The following ATG4B variants were observed in gnomAD, a reference collection of about 807,000 sequenced individuals.
The protein encoded by ATG4B is autophagy related 4B cysteine peptidase, also known as cysteine protease ATG4B.
A neutral mutation model predicts 56.6 loss-of-function variants in ATG4B; 29 were observed. That is an observed-to-expected ratio of 0.51 (90% CI 0.38 to 0.70). ATG4B has a LOEUF of 0.70. Among genes scored for constraint, ATG4B ranks in the 30% least tolerant of loss-of-function variants. The pLI, the probability that ATG4B is intolerant of heterozygous loss-of-function variation, is 0.00. For synonymous variants in ATG4B, 224 were observed against 206.1 expected, an observed-to-expected ratio of 1.09 and a Z score of -0.74; for missense variants, 461 against 515.5, an observed-to-expected ratio of 0.89 and a Z score of 1.02.
chr2:241,668,953 G>A lies in ATG4B; in HGVS notation c.957+268G>A, dbSNP rs773573535. ...TCTGGATGTGAGCGTGTGTGGGCGCGTGCTGAGTGTGCATGGATGAGTGTG... is the reference window on the plus strand; with the variant it reads ...TCTGGATGTGAGCGTGTGTGGGCGCATGCTGAGTGTGCATGGATGAGTGTG... On this transcript the variant is annotated intron_variant, in intron 10 of 12. Transcript: ENST00000404914. The surrounding 1 kb of genome is among the most constrained non-coding windows in gnomAD (Gnocchi z 4.2). 83 of 500,822 alleles carry A rather than the reference G, an allele frequency of 1.7e-4. No individual in the cohort carries two copies. The highest frequency in any genetic ancestry group is 1.6e-4 in the Non-Finnish European group (45 of 282,516). 31.0% of individuals were successfully genotyped at this position (500,822 alleles called of 1,614,324 possible).
At chr2:241,661,475 A>G (rs2068591633) in intron 7 of ATG4B, among the ~76,000 whole-genome samples, 1 of 152,142 alleles carries the variant, frequency 6.6e-6, no homozygotes, top group African/African-American at 2.4e-5. Context: ...TGCTGCTAAG[A>G]GTGCGCAAGG....
intron 6 of ATG4B, among the ~76,000 whole-genome samples, chr2:241,657,539 G>A (rs1270999872): frequency 5.3e-5 from 8 of 151,922 alleles, no homozygotes; most frequent in Admixed American, 2.0e-4. Flanking sequence ...TCCTGACCTC[G>A]TGATCCACCT....
chr2:241,644,204 A>G (rs1262969091), intron 1 of ATG4B, among the ~76,000 whole-genome samples: 1 of 151,980 alleles, frequency 6.6e-6, no homozygotes, highest in East Asian at 1.9e-4. Context: ...AAAATTAGGC[A>G]TGACGGTGCA....
In ATG4B at chr2:241,666,921, G is replaced by A. The variant is rs550817093; in HGVS notation, c.732+83G>A. On this transcript the variant is annotated intron_variant, in intron 8 of 12. Transcript: ENST00000404914. ...GTCACTTTCAGCGCATCGTCGTCAC[G>A]TGGCCATTTGTGCAGCCGGCTCTCG... The A allele has an allele frequency of 9.6e-5, 138 of 1,442,330 alleles. 3 individuals are homozygous for A. The South Asian group carries it at 1.4e-3, about 15-fold the overall frequency. 89.3% of individuals were successfully genotyped at this position (1,442,330 alleles called of 1,614,324 possible). A position where few individuals can be genotyped will look rare whatever the true frequency, so the allele number is the denominator to read the frequency against.
intron 7 of ATG4B, among the ~76,000 whole-genome samples, chr2:241,661,208 T>C (rs1480190486): frequency 6.6e-6 from 1 of 152,204 alleles, no homozygotes; most frequent in South Asian, 2.1e-4. Flanking sequence ...TTCGTCTCAC[T>C]GCGTCAGCTG....
chr2:241,665,757 G>C (rs955942688), intron 7 of ATG4B, among the ~76,000 whole-genome samples: 4 of 152,246 alleles, frequency 2.6e-5, no homozygotes, highest in African/African-American at 9.6e-5. Context: ...TGTGACTCCT[G>C]CCTGATAATG....
intron 1 of ATG4B, among the ~76,000 whole-genome samples, chr2:241,639,572 T>A (rs182087324): frequency 5.8e-4 from 89 of 152,300 alleles, no homozygotes; most frequent in African/African-American, 2.0e-3. Context: ...AGACTACACT[T>A]AACACTGACA....
chr2:241,643,874 T>C (rs2067986057), intron 1 of ATG4B, among the ~76,000 whole-genome samples: 1 of 152,068 alleles, frequency 6.6e-6, no homozygotes, highest in Non-Finnish European at 1.5e-5. Flanking sequence ...GTGGATATTT[T>C]TTCCGAAGTT....
Position 241,668,618 on chromosome 2 carries a change from A to G in ATG4B, c.890A>G (p.Glu297Gly), listed in dbSNP as rs1369080252. ...ACTGATGGCTGCTTCATCCCGGACG[A>G]GAGCTTCCACTGCCAGCACCCGCCG... ...EPTDGCFIPDESFHCQHPPCR... is the reference protein window; with the variant it reads ...EPTDGCFIPDGSFHCQHPPCR... Residue 297 changes from glutamate (E) to glycine (G), a missense_variant, in exon 10 of 13, where the codon GAG (glutamate) becomes GGG (glycine). Transcript: ENST00000404914. The surrounding 1 kb of genome is among the most constrained non-coding windows in gnomAD (Gnocchi z 4.2). 4 of 1,590,182 alleles carry G rather than the reference A, an allele frequency of 2.5e-6. No individual in the cohort carries two copies. The highest frequency in any genetic ancestry group is 3.4e-6 in the Non-Finnish European group (4 of 1,168,962).
intron 6 of ATG4B, among the ~76,000 whole-genome samples, chr2:241,658,400 C>T (rs1358144789): frequency 6.6e-6 from 1 of 152,100 alleles, no homozygotes; most frequent in Admixed American, 6.5e-5. Context: ...ACCCCAGTCC[C>T]CTGCTCCACC....
chr2:241,668,451 TG>T lies in ATG4B; in HGVS notation c.812-86del. 1 of 1,507,956 alleles carries T rather than the reference TG, an allele frequency of 6.6e-7. No individual in the cohort carries two copies. The highest frequency in any genetic ancestry group is 9.0e-7 in the Non-Finnish European group (1 of 1,115,928). The allele number at this position is 1,507,956 out of a possible 1,614,324, so 93.4% of individuals were successfully genotyped here. ...CTGCCCACTGCTTCTCAGTGTGATGTGGGTGCAGTGGGTCTGAAATGCGGCC... is the reference window on the plus strand; with the variant it reads ...CTGCCCACTGCTTCTCAGTGTGATGTGGTGCAGTGGGTCTGAAATGCGGCC... On this transcript the variant is annotated intron_variant, in intron 9 of 12. Coordinates refer to ENST00000404914, the MANE Select transcript of ATG4B (RefSeq NM_013325.5). This position sits in a 1 kb window ranked among gnomAD's most constrained non-coding sequence, Gnocchi z 4.2.
Position 241,668,195 on chromosome 2 carries a change from G to T in ATG4B, c.785G>T (p.Ser262Ile). ...GGCGTCATCGGAGGGAAGCCCAACA[G>T]CGCCCACTACTTCATCGGCTACGTT... ...SLGVIGGKPN[S>I]AHYFIGYVGE... Residue 262 changes from serine to isoleucine, a missense_variant, in exon 9 of 13, where the codon AGC becomes ATC. Physicochemically the swap from Ser to Ile is moderately radical, Grantham distance 142. Coordinates refer to ENST00000404914, the MANE Select transcript of ATG4B (RefSeq NM_013325.5). This position sits in a 1 kb window ranked among gnomAD's most constrained non-coding sequence, Gnocchi z 4.2. 1.2e-6 allele frequency: 2 copies of T among 1,607,638 alleles called. No individual in the cohort carries two copies. The highest frequency in any genetic ancestry group is 1.7e-6 in the Non-Finnish European group (2 of 1,177,466).
At chr2:241,670,810 G>A (rs752868750) in intron 11 of ATG4B, 28 bp downstream of exon 11, 7 of 1,593,264 alleles carry the variant, frequency 4.4e-6, no homozygotes, top group South Asian at 3.4e-5. Flanking sequence ...ACCCACAGCC[G>A]AGCTGAGCCA....
rs565520612 is a variant in ATG4B at position 241,673,310 on chromosome 2, T to A, written c.*1046T>A. The stretch of plus-strand genomic sequence containing the variant: ...CACCGCCTGACCCTGTGTAACCTGC[T>A]GTCCCGGGTCCCAGAGTGCACTCTG... On this transcript the variant is annotated 3_prime_UTR_variant, in exon 13 of 13. Transcript: ENST00000404914. 1.5e-4 allele frequency: 52 copies of A among 349,696 alleles called. 1 individual carries two copies. The highest frequency in any genetic ancestry group is 1.0e-3 in the African/African-American group (49 of 46,744). 21.7% of individuals were successfully genotyped at this position (349,696 alleles called of 1,614,324 possible). A position where few individuals can be genotyped will look rare whatever the true frequency, so the allele number is the denominator to read the frequency against.
rs2068843054 is a variant in ATG4B, at chr2:241,668,288, A to G, written c.811+67A>G. 1 of 1,523,430 alleles carries G rather than the reference A, an allele frequency of 6.6e-7. No individual in the cohort carries two copies. Among genetic ancestry groups the G allele is most frequent in the East Asian group, 2.5e-5 (1 of 40,792 alleles). The allele number at this position is 1,523,430 out of a possible 1,614,324, so 94.4% of individuals were successfully genotyped here. Reference sequence around the variant, plus strand: ...TTTTAAGGGCATTCCATGAGCAGGTACCACACCCCAGGTGACCACTTGAGG... The same window carrying G: ...TTTTAAGGGCATTCCATGAGCAGGTGCCACACCCCAGGTGACCACTTGAGG... On this transcript the variant is annotated intron_variant, in intron 9 of 12. Transcript: ENST00000404914. This position sits in a 1 kb window ranked among gnomAD's most constrained non-coding sequence, Gnocchi z 4.2.
intron 6 of ATG4B, among the ~76,000 whole-genome samples, chr2:241,656,974 T>TTCTTTTTTTTTTTG: frequency 6.9e-6 from 1 of 145,630 alleles, no homozygotes; most frequent in Non-Finnish European, 1.5e-5. Context: ...ACTCCTCTCT[T>TTCTTTTTTTTTTTG]TTTTCTTTTT....
chr2:241,640,920 T>A (rs984299309), intron 1 of ATG4B, among the ~76,000 whole-genome samples: 2 of 152,134 alleles, frequency 1.3e-5, no homozygotes, highest in African/African-American at 4.8e-5. Context: ...GAGGACTCAG[T>A]GTTTATTCTG....
intron 10 of ATG4B, among the ~76,000 whole-genome samples, chr2:241,669,775 G>A (rs947150221): frequency 1.2e-4 from 18 of 152,346 alleles, no homozygotes; most frequent in Admixed American, 9.8e-4. Flanking sequence ...CCAAAGTGCT[G>A]GGATTACAGG....
intron 7 of ATG4B, among the ~76,000 whole-genome samples, chr2:241,659,927 C>T (rs1344488022): frequency 1.3e-5 from 2 of 152,198 alleles, no homozygotes; most frequent in African/African-American, 4.8e-5. Context: ...CGCGGTGGCT[C>T]ATGCCTGTAA....
Sources: allele counts gnomAD v4.1 joint callset (sites outside exome capture counted in the v4.1 genomes callset), GRCh38; gene constraint gnomAD v4.1.1; non-coding constraint Gnocchi (gnomAD v3.1); transcripts MANE v1.5; gene names NCBI Gene and HGNC (gene_info 2026-07-23, HGNC 2026-07-21).